Variants in PRIM2 observed in about 807,000 individuals in gnomAD.
PRIM2 encodes DNA primase large subunit.
In PRIM2, 39 loss-of-function variants were observed where a neutral mutation model predicts 67.3. The ratio of observed to expected loss-of-function variants is 0.58; its 90% CI spans 0.45 to 0.76. The LOEUF is 0.76. PRIM2 is among the 30% of genes least tolerant of loss of function. The probability of loss-of-function intolerance (pLI) is 0.00; values close to 1 mark genes in which losing one functional copy is unlikely to be tolerated. For synonymous variants in PRIM2, 143 were observed against 198.7 expected (o/e 0.72, Z 2.36); for missense variants, 398 against 598.7 (o/e 0.66, Z 3.50).
chr6:57,396,581 T>C (rs566948915), intron 7 of PRIM2, among the ~76,000 whole-genome samples: 33 of 152,294 alleles, frequency 2.2e-4, no homozygotes, highest in Admixed American at 7.2e-4. Flanking sequence ...AGCAGATAAT[T>C]GGTTGGTGAA....
At chr6:57,330,216 C>G (rs1322446650) in intron 5 of PRIM2, among the ~76,000 whole-genome samples, 1 of 151,740 alleles carries the variant, frequency 6.6e-6, no homozygotes, top group Non-Finnish European at 1.5e-5. Context: ...ACATTTATAC[C>G]TAAATATTCT....
At chr6:57,528,029 T>C (rs1288807392) in intron 8 of PRIM2, among the ~76,000 whole-genome samples, 2 of 152,022 alleles carry the variant, frequency 1.3e-5, no homozygotes. Context: ...AGTGATGTGA[T>C]CATAAATCAC....
At chr6:57,593,933 G>A (rs1279325647) in intron 10 of PRIM2, among the ~76,000 whole-genome samples, 3 of 152,156 alleles carry the variant, frequency 2.0e-5, no homozygotes, top group Non-Finnish European at 4.4e-5. Context: ...AGAGAGATTA[G>A]CTTTCCATTA....
At chr6:57,539,759 C>A (rs1348526076) in intron 10 of PRIM2, among the ~76,000 whole-genome samples, 3 of 151,558 alleles carry the variant, frequency 2.0e-5, no homozygotes, top group East Asian at 1.9e-4. Flanking sequence ...TTTGGGAGAC[C>A]GAGGCAGGTG....
At chr6:57,531,773 C>T (rs1774896420) in intron 8 of PRIM2, among the ~76,000 whole-genome samples, 2 of 152,156 alleles carry the variant, frequency 1.3e-5, no homozygotes, top group South Asian at 2.1e-4. Context: ...CTCCAAGCCT[C>T]CATTCATCAG....
chr6:57,538,981 C>G (rs1775076172), intron 10 of PRIM2, among the ~76,000 whole-genome samples: 1 of 152,118 alleles, frequency 6.6e-6, no homozygotes, highest in East Asian at 1.9e-4. Context: ...TTTAGGAGAT[C>G]ACAATTCAGC....
At chr6:57,318,852 A>G (rs1364317710) in intron 2 of PRIM2, among the ~76,000 whole-genome samples, 1 of 152,184 alleles carries the variant, frequency 6.6e-6, no homozygotes, top group Non-Finnish European at 1.5e-5. Context: ...TTTTGAGATG[A>G]ATAATGTTAT....
At chr6:57,311,542 A>G (rs1459138749), upstream of PRIM2, among the ~76,000 whole-genome samples, 1 of 151,406 alleles carries the variant, frequency 6.6e-6, no homozygotes, top group East Asian at 2.0e-4. Flanking sequence ...CTCACTTCCT[A>G]GAGGGGGCGG....
chr6:57,352,432 G>A (rs146508977), intron 5 of PRIM2, among the ~76,000 whole-genome samples: 1 of 151,988 alleles, frequency 6.6e-6, no homozygotes, highest in African/African-American at 2.4e-5. Context: ...GTAGAGATGG[G>A]GTTTCACCAT....
At chr6:57,274,529 C>A in the PRIM2 span, among the ~76,000 whole-genome samples, 1 of 152,194 alleles carries the variant, frequency 6.6e-6, no homozygotes, top group African/African-American at 2.4e-5. Context: ...TGTCTGTCAC[C>A]CCTTTCTTTG....
intron 3 of PRIM2, among the ~76,000 whole-genome samples, chr6:57,322,717 A>G (rs903529551): frequency 4.6e-5 from 7 of 152,122 alleles, no homozygotes; most frequent in African/African-American, 1.7e-4. Context: ...CAGCATGAGA[A>G]TGGACTAATG....
the PRIM2 span, among the ~76,000 whole-genome samples, chr6:57,283,269 C>A: frequency 1.3e-5 from 2 of 152,096 alleles, no homozygotes; most frequent in Non-Finnish European, 2.9e-5. Flanking sequence ...TTCTTCTCTT[C>A]CCCAGGGCTT....
At chr6:57,604,926 G>A (rs1174942063) in intron 11 of PRIM2, among the ~76,000 whole-genome samples, 6 of 152,092 alleles carry the variant, frequency 3.9e-5, no homozygotes, top group Non-Finnish European at 5.9e-5. Flanking sequence ...TCCTTACCTC[G>A]TGATCCGCCC....
chr6:57,420,740 G>C (rs536612981), intron 7 of PRIM2, among the ~76,000 whole-genome samples: 12 of 152,172 alleles, frequency 7.9e-5, no homozygotes, highest in Admixed American at 7.9e-4. Flanking sequence ...GTATTTTGGG[G>C]TGAATTGGAG....
chr6:57,296,281 TA>T, the PRIM2 span, among the ~76,000 whole-genome samples: 1 of 152,310 alleles, frequency 6.6e-6, no homozygotes, highest in East Asian at 1.9e-4. Flanking sequence ...CTTTAGCTAG[TA>T]AGTTTATTTT....
intron 10 of PRIM2, among the ~76,000 whole-genome samples, chr6:57,548,630 C>T (rs1382024854): frequency 3.9e-5 from 6 of 152,172 alleles, no homozygotes; most frequent in African/African-American, 1.4e-4. Flanking sequence ...ATACCCAGCA[C>T]TTGAGATGGT....
chr6:57,644,943 G>A (rs1322908894), intron 13 of PRIM2, among the ~76,000 whole-genome samples: 2 of 152,156 alleles, frequency 1.3e-5, no homozygotes, highest in African/African-American at 4.8e-5. Flanking sequence ...AAAGTTTAAT[G>A]ATAGTATTTG....
Position 57,570,305 on chromosome 6 carries a change from C to T in PRIM2, c.1021-30788C>T, listed in dbSNP as rs1358220989. Among the ~76,000 whole-genome samples, 1,121 of 152,254 alleles carry T rather than the reference C, an allele frequency of 7.4e-3. 7 individuals are homozygous for T. Among genetic ancestry groups the T allele is most frequent in the Non-Finnish European group, 0.013 (892 of 67,998 alleles). On this transcript the variant is annotated intron_variant, in intron 10 of 13. Transcript: ENST00000615550. The stretch of plus-strand genomic sequence containing the variant: ...TAATGAAAGCCAAATGCCTTTGTTT[C>T]GTCTTTTTGGTTTGATGCCTTGCCA...
chr6:57,410,412 A>T (rs1336319113), intron 7 of PRIM2, among the ~76,000 whole-genome samples: 1 of 151,098 alleles, frequency 6.6e-6, no homozygotes. Context: ...TTCACCTTGT[A>T]AAGAATAATT....
Sources: allele counts gnomAD v4.1 joint callset (sites outside exome capture counted in the v4.1 genomes callset), GRCh38; gene constraint gnomAD v4.1.1; transcripts MANE v1.5; gene names NCBI Gene and HGNC (gene_info 2026-07-23, HGNC 2026-07-21).